The following CDH12 variants were observed in gnomAD, a reference collection of about 807,000 sequenced individuals.
CDH12 encodes cadherin-12.
CDH12 carries 41 observed loss-of-function variants against 74.1 expected under a neutral mutation model. The ratio of observed to expected loss-of-function variants is 0.55; its 90% CI spans 0.43 to 0.72. The LOEUF is 0.72. Ranked by LOEUF, CDH12 falls within the 30% of genes least tolerant of loss-of-function variation. The pLI, the probability that CDH12 is intolerant of heterozygous loss-of-function variation, is 0.00. For synonymous variants in CDH12, 399 were observed against 355.0 expected (o/e 1.12, Z -1.39); for missense variants, 945 against 977.2 (o/e 0.97, Z 0.44).
intron 6 of CDH12, among the ~76,000 whole-genome samples, chr5:21,969,152 GAAA>G (rs377353629): frequency 7.3e-6 from 1 of 137,456 alleles, no homozygotes; most frequent in Middle Eastern, 3.4e-3. Context: ...AAATCTAAAA[GAAA>G]AAAAAAAAAG....
intron 5 of CDH12, among the ~76,000 whole-genome samples, chr5:22,072,697 A>G (rs1282839322): frequency 6.6e-6 from 1 of 151,930 alleles, no homozygotes; most frequent in Non-Finnish European, 1.5e-5. Context: ...TACATTAGGT[A>G]TATCTCCTAA....
intron 1 of CDH12, among the ~76,000 whole-genome samples, chr5:22,544,134 T>C (rs1055545127): frequency 1.3e-5 from 2 of 150,664 alleles, no homozygotes; most frequent in Non-Finnish European, 3.0e-5. Context: ...ATCATTTACT[T>C]TTTTTTTTAT....
chr5:22,457,001 A>G (rs1745303682), intron 2 of CDH12, among the ~76,000 whole-genome samples: 1 of 152,130 alleles, frequency 6.6e-6, no homozygotes, highest in Non-Finnish European at 1.5e-5. Context: ...AAAGAAAATC[A>G]AGGTTAATTT....
chr5:22,012,413 A>T (rs1382511916), intron 5 of CDH12, among the ~76,000 whole-genome samples: 2 of 152,144 alleles, frequency 1.3e-5, no homozygotes, highest in African/African-American at 2.4e-5. Flanking sequence ...TTTTAATTCC[A>T]GTTGAGTTAA....
At chr5:22,427,765 C>G (rs1145542) in intron 2 of CDH12, among the ~76,000 whole-genome samples, 119,480 of 152,036 alleles carry the variant, frequency 0.79, 47,112 homozygotes, top group Admixed American at 0.87. Context: ...GGAGAGAAGG[C>G]GGAGAAAATG....
chr5:22,823,684 A>T (rs2126482648), intron 1 of CDH12, among the ~76,000 whole-genome samples: 1 of 152,182 alleles, frequency 6.6e-6, no homozygotes, highest in Admixed American at 6.5e-5. Flanking sequence ...AGGTGATTGG[A>T]TCATGGGGGC....
At chr5:22,605,159 G>C (rs1353482374) in intron 1 of CDH12, among the ~76,000 whole-genome samples, 1 of 152,196 alleles carries the variant, frequency 6.6e-6, no homozygotes, top group African/African-American at 2.4e-5. Flanking sequence ...GCCTACGGGA[G>C]CAAGAAGAAA....
intron 3 of CDH12, among the ~76,000 whole-genome samples, chr5:22,293,018 C>T (rs80265046): frequency 1.6e-5 from 1 of 62,332 alleles, no homozygotes; most frequent in East Asian, 5.3e-4. Flanking sequence ...CAATCTGTAA[C>T]CCACATCCAT....
intron 6 of CDH12, among the ~76,000 whole-genome samples, chr5:21,858,036 T>A (rs1327063193): frequency 6.6e-6 from 1 of 150,650 alleles, no homozygotes. Flanking sequence ...TTTTTTTTAA[T>A]AAGGTCACCA....
intron 2 of CDH12, among the ~76,000 whole-genome samples, chr5:22,430,070 A>G (rs1178604937): frequency 6.6e-6 from 1 of 152,098 alleles, no homozygotes; most frequent in Non-Finnish European, 1.5e-5. Flanking sequence ...TTTTCCTTTT[A>G]TATACCCCCT....
intron 1 of CDH12, among the ~76,000 whole-genome samples, chr5:22,662,511 A>C (rs143114466): frequency 3.9e-5 from 6 of 152,290 alleles, no homozygotes; most frequent in South Asian, 2.1e-4. Context: ...ATCAAAAGAA[A>C]CAGCAACAGA....
At chr5:22,435,089 A>C (rs1007503865) in intron 2 of CDH12, among the ~76,000 whole-genome samples, 2 of 152,106 alleles carry the variant, frequency 1.3e-5, no homozygotes, top group African/African-American at 2.4e-5. Flanking sequence ...GGTGTTGCCA[A>C]AGGAGATTAA....
intron 1 of CDH12, among the ~76,000 whole-genome samples, chr5:22,646,987 GT>G (rs1481694275): frequency 6.6e-6 from 1 of 151,786 alleles, no homozygotes; most frequent in Non-Finnish European, 1.5e-5. Flanking sequence ...AACTACTCTA[GT>G]TTTCTTTTTA....
At chr5:22,584,252 A>T (rs1331549037) in intron 1 of CDH12, among the ~76,000 whole-genome samples, 1 of 152,064 alleles carries the variant, frequency 6.6e-6, no homozygotes, top group Non-Finnish European at 1.5e-5. Flanking sequence ...GGCATGCATT[A>T]TCACACCCAG....
chr5:22,688,085 G>T (rs1001752820), intron 1 of CDH12, among the ~76,000 whole-genome samples: 6 of 152,128 alleles, frequency 3.9e-5, no homozygotes, highest in African/African-American at 9.6e-5. Flanking sequence ...TACCAGCTGT[G>T]TGACTGACAG....
intron 2 of CDH12, among the ~76,000 whole-genome samples, chr5:22,417,766 G>C (rs1743461582): frequency 6.6e-6 from 1 of 151,932 alleles, no homozygotes; most frequent in South Asian, 2.1e-4. Flanking sequence ...TAAATATATA[G>C]AATAAAAATG....
chr5:22,078,595 G>C lies in CDH12; in HGVS notation c.82C>G (p.Gln28Glu). 6.2e-7 allele frequency: 1 copy of C among 1,613,950 alleles called. No individual in the cohort carries two copies. The highest frequency in any genetic ancestry group is 2.2e-5 in the East Asian group (1 of 44,870). Residue 28 changes from glutamine to glutamate, a missense_variant, in exon 5 of 15, where the codon CAG (glutamine) becomes GAG (glutamate). Gln to Glu is a conservative substitution (Grantham distance 29, BLOSUM62 2). This residue lies in a region of CDH12 where 148 missense variants were observed against 162.8 expected (regional missense o/e 0.91). Transcript: ENST00000382254. The part of the protein sequence containing the change: ...GLLTPLQPQP[Q>E]QTLATEPREN... ...CTTGGCTCTGTGGCTAAAGTCTGCT[G>C]TGGCTGTGGTTGTAGTGGTGTTAGG...
chr5:22,341,038 T>C (rs1474232256), intron 3 of CDH12, among the ~76,000 whole-genome samples: 2 of 152,192 alleles, frequency 1.3e-5, no homozygotes, highest in Non-Finnish European at 2.9e-5. Flanking sequence ...GATCTGAAAA[T>C]ATTCTAGTAA....
intron 1 of CDH12, among the ~76,000 whole-genome samples, chr5:22,622,617 A>C (rs1160737217): frequency 6.6e-6 from 1 of 152,208 alleles, no homozygotes; most frequent in African/African-American, 2.4e-5. Flanking sequence ...CCAAGAATAA[A>C]CCAGGAAGAA....
Sources: allele counts gnomAD v4.1 joint callset (sites outside exome capture counted in the v4.1 genomes callset), GRCh38; gene constraint gnomAD v4.1.1; regional missense constraint gnomAD v4.1.1; transcripts MANE v1.5; gene names NCBI Gene and HGNC (gene_info 2026-07-23, HGNC 2026-07-21).